Variants in GRM8 observed in about 807,000 individuals in gnomAD.
GRM8 encodes metabotropic glutamate receptor 8.
A neutral mutation model predicts 87.2 loss-of-function variants in GRM8; 47 were observed. That is an observed-to-expected ratio of 0.54 (90% CI 0.43 to 0.69). GRM8 has a LOEUF of 0.69. Ranked by LOEUF, GRM8 falls within the 30% of genes least tolerant of loss-of-function variation. The pLI is 0.00. For synonymous variants in GRM8, 396 were observed against 404.5 expected, an observed-to-expected ratio of 0.98 and a Z score of 0.25; for missense variants, 1,019 against 1,139.2, an observed-to-expected ratio of 0.89 and a Z score of 1.52.
intron 7 of GRM8, among the ~76,000 whole-genome samples, chr7:126,731,947 G>C (rs2151484103): frequency 6.6e-6 from 1 of 151,924 alleles, no homozygotes; most frequent in Non-Finnish European, 1.5e-5. Flanking sequence ...AATTCTAACA[G>C]ATAATATATA....
intron 6 of GRM8, among the ~76,000 whole-genome samples, chr7:126,892,238 AC>A (rs1801109757): frequency 1.3e-5 from 2 of 151,872 alleles, no homozygotes; most frequent in Non-Finnish European, 2.9e-5. Context: ...GGTGTGCTGC[AC>A]CCATTAACTC....
rs1188473363 is a variant in GRM8, at chr7:127,092,285, A to G, written c.727+14211T>C. ...TTTTGAATAAAATCCCTCCTTATCT[A>G]AGTCTGGATTTGTTTTCATTTGACA... On this transcript the variant is annotated intron_variant, in intron 3 of 10. Coordinates refer to ENST00000339582, the MANE Select transcript of GRM8 (RefSeq NM_000845.3). 2.6e-5 allele frequency among the ~76,000 whole-genome samples: 4 copies of G among 152,072 alleles called. No homozygotes were observed. In the South Asian group the frequency reaches 8.3e-4, roughly 32 times the overall value.
At chr7:127,246,101 A>T (rs770601870) in intron 1 of GRM8, among the ~76,000 whole-genome samples, 4 of 152,238 alleles carry the variant, frequency 2.6e-5, no homozygotes, top group African/African-American at 9.6e-5. Context: ...AATCTGATAC[A>T]TTGTCATAAA....
At chr7:127,111,441 T>G (rs898013562) in intron 2 of GRM8, among the ~76,000 whole-genome samples, 1 of 152,198 alleles carries the variant, frequency 6.6e-6, no homozygotes, top group Non-Finnish European at 1.5e-5. Flanking sequence ...CTACATTTCC[T>G]GGCCTTCCTT....
chr7:126,615,860 C>G (rs1799432616), intron 7 of GRM8, among the ~76,000 whole-genome samples: 1 of 152,142 alleles, frequency 6.6e-6, no homozygotes, highest in African/African-American at 2.4e-5. Flanking sequence ...TACAGGAGCA[C>G]CCAGATTCAT....
intron 7 of GRM8, among the ~76,000 whole-genome samples, chr7:126,673,949 C>G (rs1257372034): frequency 6.6e-6 from 1 of 152,176 alleles, no homozygotes; most frequent in Non-Finnish European, 1.5e-5. Flanking sequence ...ATACTGCACA[C>G]TGACTTGAGA....
chr7:127,006,915 A>G (rs1323452548), intron 3 of GRM8, among the ~76,000 whole-genome samples: 1 of 151,960 alleles, frequency 6.6e-6, no homozygotes, highest in Non-Finnish European at 1.5e-5. Flanking sequence ...TCTGGAATCA[A>G]CTCAATGTGG....
chr7:126,927,427 AT>A, intron 3 of GRM8, among the ~76,000 whole-genome samples: 1 of 152,276 alleles, frequency 6.6e-6, no homozygotes, highest in South Asian at 2.1e-4. Flanking sequence ...GTGAGCCACC[AT>A]GCCCAGCCTG....
At chr7:126,911,944 C>T (rs1803348899) in intron 3 of GRM8, among the ~76,000 whole-genome samples, 1 of 152,272 alleles carries the variant, frequency 6.6e-6, no homozygotes, top group East Asian at 1.9e-4. Flanking sequence ...CCTATAATCC[C>T]AGCACTTTGA....
At chr7:126,879,124 T>C (rs1256365900) in intron 6 of GRM8, among the ~76,000 whole-genome samples, 27 of 146,236 alleles carry the variant, frequency 1.8e-4, no homozygotes, top group South Asian at 2.2e-4. Context: ...GACGGCGCCA[T>C]TGCACTCCAG....
intron 2 of GRM8, among the ~76,000 whole-genome samples, chr7:127,231,901 G>T (rs1797708143): frequency 6.6e-6 from 1 of 151,214 alleles, no homozygotes; most frequent in Non-Finnish European, 1.5e-5. Context: ...GAATCCTAAG[G>T]GTATTTTTCT....
intron 8 of GRM8, among the ~76,000 whole-genome samples, chr7:126,604,245 T>C (rs1476916942): frequency 2.0e-5 from 3 of 152,130 alleles, no homozygotes; most frequent in Non-Finnish European, 4.4e-5. Flanking sequence ...TTGCTCAAGT[T>C]TTAGTTTTTC....
intron 3 of GRM8, among the ~76,000 whole-genome samples, chr7:127,030,705 G>A (rs868818136): frequency 1.3e-5 from 2 of 152,112 alleles, no homozygotes; most frequent in African/African-American, 4.8e-5. Flanking sequence ...ATGCTGAATA[G>A]TACTGGTAGT....
intron 2 of GRM8, among the ~76,000 whole-genome samples, chr7:127,180,918 C>A (rs546201421): frequency 6.6e-6 from 1 of 152,140 alleles, no homozygotes; most frequent in South Asian, 2.1e-4. Flanking sequence ...AAAGCATTCA[C>A]TCTAAGAACT....
intron 3 of GRM8, among the ~76,000 whole-genome samples, chr7:127,084,072 G>A (rs1823182056): frequency 6.6e-6 from 1 of 152,072 alleles, no homozygotes; most frequent in South Asian, 2.1e-4. Flanking sequence ...CTTAGTGAGG[G>A]AAAAAAGTAC....
intron 7 of GRM8, among the ~76,000 whole-genome samples, chr7:126,646,396 C>T (rs1354660357): frequency 6.6e-6 from 1 of 152,122 alleles, no homozygotes; most frequent in Non-Finnish European, 1.5e-5. Context: ...CTTTTCTTTT[C>T]AGCCAAAGGT....
At chr7:127,166,056 G>T (rs375432385) in intron 2 of GRM8, among the ~76,000 whole-genome samples, 3 of 151,998 alleles carry the variant, frequency 2.0e-5, no homozygotes, top group East Asian at 1.9e-4. Context: ...ATGCTTTTTC[G>T]CAAGGGAAAA....
chr7:126,543,608 G>A (rs1160223849), intron 8 of GRM8, among the ~76,000 whole-genome samples: 1 of 152,160 alleles, frequency 6.6e-6, no homozygotes, highest in Non-Finnish European at 1.5e-5. Flanking sequence ...GGGAATGACT[G>A]GTTTTGAAAG....
intron 8 of GRM8, among the ~76,000 whole-genome samples, chr7:126,558,772 G>A (rs1747469704): frequency 6.6e-6 from 1 of 152,090 alleles, no homozygotes; most frequent in Non-Finnish European, 1.5e-5. Flanking sequence ...TGTGGAACCT[G>A]CAGATACCAA....
Sources: allele counts gnomAD v4.1 joint callset (sites outside exome capture counted in the v4.1 genomes callset), GRCh38; gene constraint gnomAD v4.1.1; transcripts MANE v1.5; gene names NCBI Gene and HGNC (gene_info 2026-07-23, HGNC 2026-07-21).